The following FHAD1 variants were observed in gnomAD, a reference collection of about 807,000 sequenced individuals.
The protein encoded by FHAD1 is forkhead associated phosphopeptide binding domain 1, also known as forkhead-associated domain-containing protein 1.
In FHAD1, 146 loss-of-function variants were observed where a neutral mutation model predicts 191.3. The observed-to-expected ratio is 0.76, with a 90% CI of 0.67 to 0.88. FHAD1 has a LOEUF of 0.88. FHAD1 is among the 40% of genes least tolerant of loss of function. The pLI is 0.00. For missense variants in FHAD1, 1,635 were observed against 1,785.8 expected, an observed-to-expected ratio of 0.92 and a Z score of 1.52; for synonymous variants, 616 against 672.3, an observed-to-expected ratio of 0.92 and a Z score of 1.29.
chr1:15,390,587 GAGGGGGGCCC>G (rs1471822164), intron 32 of FHAD1, among the ~76,000 whole-genome samples: 1 of 152,106 alleles, frequency 6.6e-6, no homozygotes, highest in Non-Finnish European at 1.5e-5. Flanking sequence ...GGATCTCTGA[GAGGGGGGCCC>G]AGCTCCCTCC....
chr1:15,376,101 ATTTT>A (rs1699584047), intron 28 of FHAD1, among the ~76,000 whole-genome samples: 1 of 116,964 alleles, frequency 8.5e-6, no homozygotes, highest in African/African-American at 3.4e-5. Context: ...TTTTTTATTT[ATTTT>A]TTGAGACAGA....
rs1197477099 is a variant in FHAD1 at position 15,327,372 on chromosome 1, A to G, written c.1557+230A>G. 2.0e-6 allele frequency: 1 copy of G among 489,390 alleles called. No homozygotes were observed. The highest frequency in any genetic ancestry group is 3.6e-6 in the Non-Finnish European group (1 of 276,634). 30.3% of individuals were successfully genotyped at this position (489,390 alleles called of 1,614,324 possible). ...GTGTCTGTGAAAATCAAATTAAACCATTCGGGCTTACTTCTGGTCTCCAGA... is the reference window on the plus strand; with the variant it reads ...GTGTCTGTGAAAATCAAATTAAACCGTTCGGGCTTACTTCTGGTCTCCAGA... On this transcript the variant is annotated intron_variant, in intron 12 of 33. Transcript: ENST00000688493. The surrounding 1 kb of genome is among the most constrained non-coding windows in gnomAD (Gnocchi z 5.1).
Position 15,327,130 on chromosome 1 carries a change from C to G in FHAD1, c.1545C>G (p.Val515=). ...CGAAGCCGTTCCGGGACAAGCCCGTCACCGACCAACAGGTTAGTCTGCCGT... is the reference window on the plus strand; with the variant it reads ...CGAAGCCGTTCCGGGACAAGCCCGTGACCGACCAACAGGTTAGTCTGCCGT... ...GRAKPFRDKP[V]TDQQLIEKIT... is the part of the protein sequence containing the mutation. The change falls in exon 12 of 34, where the codon GTC becomes GTG. Residue 515 remains valine (V), a synonymous_variant. Coordinates refer to ENST00000688493, the MANE Select transcript of FHAD1 (RefSeq NM_001391957.1). This position sits in a 1 kb window ranked among gnomAD's most constrained non-coding sequence, Gnocchi z 5.1. 1 of 1,551,140 alleles carries G rather than the reference C, an allele frequency of 6.4e-7. No individual in the cohort carries two copies.
rs955506339 is a variant in FHAD1, at chr1:15,270,764, G to A, written c.94-1559G>A. Among the ~76,000 whole-genome samples the A allele has an allele frequency of 5.3e-5, 8 of 152,100 alleles. No individual in the cohort carries two copies. The East Asian group carries it at 5.8e-4, about 11-fold the overall frequency. ...CCCTTAAAAGATGAAGACTTTGGCCGGGCACGGTGGCTCACGCCTGTAATC... is the reference window on the plus strand; with the variant it reads ...CCCTTAAAAGATGAAGACTTTGGCCAGGCACGGTGGCTCACGCCTGTAATC... On this transcript the variant is annotated intron_variant, in intron 2 of 33. Coordinates refer to ENST00000688493, the MANE Select transcript of FHAD1 (RefSeq NM_001391957.1).
intron 1 of FHAD1, among the ~76,000 whole-genome samples, chr1:15,249,007 G>C (rs1463275466): frequency 6.6e-6 from 1 of 152,202 alleles, no homozygotes; most frequent in Non-Finnish European, 1.5e-5. Context: ...AAATCTGTCA[G>C]TGTCTTTGCT....
intron 1 of FHAD1, 60 bp from the exon 2 acceptor site, chr1:15,251,711 T>C (rs900216758): frequency 1.0e-4 from 130 of 1,282,910 alleles, no homozygotes; most frequent in Non-Finnish European, 1.4e-4. Context: ...AAGTATGATG[T>C]TGTTGAATAA....
At chr1:15,247,098 C>G (rs1406391356), upstream of FHAD1, among the ~76,000 whole-genome samples, 2 of 152,254 alleles carry the variant, frequency 1.3e-5, no homozygotes, top group South Asian at 2.1e-4. Flanking sequence ...ATGGGGCAGG[C>G]TCGTGGGGCC....
chr1:15,246,320 C>T (rs1646025899), upstream of FHAD1, among the ~76,000 whole-genome samples: 1 of 152,162 alleles, frequency 6.6e-6, no homozygotes, highest in African/African-American at 2.4e-5. Context: ...TGGGTGGGGA[C>T]ACACAGCCAA....
chr1:15,304,903 T>A (rs1669933124), intron 6 of FHAD1, among the ~76,000 whole-genome samples: 1 of 152,158 alleles, frequency 6.6e-6, no homozygotes, highest in African/African-American at 2.4e-5. Flanking sequence ...AAAAACAGAC[T>A]GTGAGCGCCA....
rs1268019841 is a variant in FHAD1 at position 15,289,562 on chromosome 1, CCA to C, written c.466_467del (p.Thr156ArgfsTer72). 6.4e-7 allele frequency: 1 copy of C among 1,551,800 alleles called. No individual in the cohort carries two copies. Among genetic ancestry groups the C allele is most frequent in the Non-Finnish European group, 8.7e-7 (1 of 1,147,030 alleles). ...AGCTGGTCCCAGGCCTTTCCCAGAC[CCA>C]CCGTGGTCCTGCCGGCCTCCCACAG... On this transcript the variant is annotated frameshift_variant, in exon 4 of 34. Coordinates refer to ENST00000688493, the MANE Select transcript of FHAD1 (RefSeq NM_001391957.1). LOFTEE classifies it high-confidence loss of function. The surrounding 1 kb of genome is among the most constrained non-coding windows in gnomAD (Gnocchi z 4.2).
At position 15,345,414 on chromosome 1, in the gene FHAD1, A is replaced by G; in HGVS notation, c.2239-2A>G. The stretch of plus-strand genomic sequence containing the variant: ...TCTATTGAACAATGATCGTTGACTC[A>G]GGCTTTGGCGAAAAGCATTACCCAG... On this transcript the variant is annotated splice_acceptor_variant, in intron 17 of 33. Coordinates refer to ENST00000688493, the MANE Select transcript of FHAD1 (RefSeq NM_001391957.1). LOFTEE classifies it high-confidence loss of function. 1 of 1,551,902 alleles carries G rather than the reference A, an allele frequency of 6.4e-7. No homozygotes were observed. Among genetic ancestry groups the G allele is most frequent in the Non-Finnish European group, 8.7e-7 (1 of 1,146,714 alleles).
intron 1 of FHAD1, among the ~76,000 whole-genome samples, chr1:15,238,999 C>CT (rs1224915570): frequency 1.3e-5 from 2 of 152,206 alleles, no homozygotes; most frequent in African/African-American, 4.8e-5. Flanking sequence ...CCTTGAACTC[C>CT]TGGGCTGATG....
Position 15,239,421 on chromosome 1 carries a change from T to C in FHAD1, c.-15+2660T>C, listed in dbSNP as rs149676651. Reference sequence around the variant, plus strand: ...GGCCAACATGGTGAAACCCCGTCTCTACTAAAAATACAACAAATTAGCCAG... The same window carrying C: ...GGCCAACATGGTGAAACCCCGTCTCCACTAAAAATACAACAAATTAGCCAG... On this transcript the variant is annotated intron_variant, in intron 1 of 33. Transcript: ENST00000683790. Among the ~76,000 whole-genome samples, 712 of 152,172 alleles carry C rather than the reference T, an allele frequency of 4.7e-3. 22 individuals are homozygous for C. Among genetic ancestry groups the C allele is most frequent in the East Asian group, 0.033 (170 of 5,148 alleles).
At chr1:15,281,913 T>G (rs1660751609) in intron 3 of FHAD1, among the ~76,000 whole-genome samples, 1 of 152,164 alleles carries the variant, frequency 6.6e-6, no homozygotes, top group South Asian at 2.1e-4. Context: ...CTCATTCATG[T>G]ATCTATATCA....
rs1343048036 is a variant in FHAD1 at position 15,349,116 on chromosome 1, G to A, written c.2421G>A (p.Gln807=). Residue 807 remains glutamine, a synonymous_variant, in exon 19 of 34, where the codon CAG becomes CAA. Transcript: ENST00000688493. ...TGGAGTCGGAAAAGAGAAAAGTTCA[G>A]GATCTGGAGAACCATTTAACCCAAC... is the stretch of plus-strand genomic sequence containing the variant. The part of the protein sequence containing the change: ...EALESEKRKV[Q]DLENHLTQQK... 1 of 1,551,516 alleles carries A rather than the reference G, an allele frequency of 6.4e-7. No individual in the cohort carries two copies. The highest frequency in any genetic ancestry group is 8.7e-7 in the Non-Finnish European group (1 of 1,146,986).
At chr1:15,306,956 A>G (rs1670687982) in intron 6 of FHAD1, among the ~76,000 whole-genome samples, 1 of 152,214 alleles carries the variant, frequency 6.6e-6, no homozygotes, top group African/African-American at 2.4e-5. Flanking sequence ...TCCAGACCCC[A>G]GAATGGTAGA....
At chr1:15,371,152 C>A (rs578140548) in intron 26 of FHAD1, among the ~76,000 whole-genome samples, 2 of 152,304 alleles carry the variant, frequency 1.3e-5, no homozygotes, top group South Asian at 4.1e-4. Context: ...GCTCTTACAG[C>A]AGAACCTGAC....
At chr1:15,241,681 A>AC (rs971635764) in intron 1 of FHAD1, among the ~76,000 whole-genome samples, 26 of 150,768 alleles carry the variant, frequency 1.7e-4, no homozygotes, top group African/African-American at 4.1e-4. Flanking sequence ...AAACAAACAA[A>AC]AAAAACCCAG....
chr1:15,355,765 AC>A (rs1486821409), intron 20 of FHAD1, among the ~76,000 whole-genome samples: 4 of 152,180 alleles, frequency 2.6e-5, no homozygotes, highest in African/African-American at 9.7e-5. Context: ...CAAGGTTAAG[AC>A]CCTGAAAAAG....
Sources: allele counts gnomAD v4.1 joint callset (sites outside exome capture counted in the v4.1 genomes callset), GRCh38; gene constraint gnomAD v4.1.1; non-coding constraint Gnocchi (gnomAD v3.1); transcripts MANE v1.5; gene names NCBI Gene and HGNC (gene_info 2026-07-23, HGNC 2026-07-21).